SCAPER: variants seen among roughly 807,000 people sequenced by gnomAD.
SCAPER encodes S-phase cyclin A associated protein in the ER.
In SCAPER, 98 loss-of-function variants were observed where a neutral mutation model predicts 182.2. The ratio of observed to expected loss-of-function variants is 0.54; its 90% CI spans 0.46 to 0.64. The LOEUF (loss-of-function observed/expected upper bound fraction) is 0.64, where lower values mean the gene tolerates loss of function less well. Ranked by LOEUF, SCAPER falls within the 30% of genes least tolerant of loss-of-function variation. SCAPER has a pLI of 0.00. For missense variants in SCAPER, 1,432 were observed against 1,690.0 expected (o/e 0.85, Z 2.68); for synonymous variants, 605 against 564.6 (o/e 1.07, Z -1.01).
chr15:76,545,158 T>A (rs2045152805), intron 23 of SCAPER, among the ~76,000 whole-genome samples: 2 of 152,206 alleles, frequency 1.3e-5, no homozygotes, highest in Admixed American at 1.3e-4. Flanking sequence ...GATTTTTATA[T>A]CTTTAATGTG....
chr15:76,373,142 C>T (rs2042305498), intron 29 of SCAPER, among the ~76,000 whole-genome samples: 1 of 151,494 alleles, frequency 6.6e-6, no homozygotes, highest in African/African-American at 2.4e-5. Context: ...CCGCCTCCCA[C>T]GTTCAAGCAA....
At chr15:76,753,033 T>A (rs1181019493) in intron 15 of SCAPER, among the ~76,000 whole-genome samples, 1 of 151,746 alleles carries the variant, frequency 6.6e-6, no homozygotes, top group African/African-American at 2.4e-5. Context: ...GAATGTAAAA[T>A]ATTTAACTAG....
intron 21 of SCAPER, among the ~76,000 whole-genome samples, chr15:76,665,146 T>C (rs771624662): frequency 1.3e-5 from 2 of 152,212 alleles, no homozygotes; most frequent in South Asian, 2.1e-4. Context: ...GATCTTCAGA[T>C]GACACTTTGG....
chr15:76,511,889 T>A (rs12915378), intron 23 of SCAPER, among the ~76,000 whole-genome samples: 90 of 91,484 alleles, frequency 9.8e-4, no homozygotes, highest in Middle Eastern at 4.5e-3. Context: ...ATATATATTT[T>A]TTTTTTTTTT....
intron 5 of SCAPER, among the ~76,000 whole-genome samples, chr15:76,807,092 T>C (rs1353750454): frequency 6.6e-6 from 1 of 152,230 alleles, no homozygotes; most frequent in Non-Finnish European, 1.5e-5. Context: ...TTTAGTACAA[T>C]ATTGTGTGTA....
At chr15:76,853,564 A>C (rs75112900) in intron 4 of SCAPER, among the ~76,000 whole-genome samples, 1 of 152,078 alleles carries the variant, frequency 6.6e-6, no homozygotes. Context: ...AAAAAAAAAA[A>C]CCACATAGTT....
chr15:76,807,586 GGTTA>G (rs1465797571), intron 5 of SCAPER, among the ~76,000 whole-genome samples: 2 of 150,894 alleles, frequency 1.3e-5, no homozygotes, highest in African/African-American at 4.9e-5. Flanking sequence ...ACATTGTGCA[GGTTA>G]GTTACATATG....
chr15:76,720,080 TC>T (rs2060124688), intron 17 of SCAPER, among the ~76,000 whole-genome samples: 1 of 103,942 alleles, frequency 9.6e-6, no homozygotes, highest in African/African-American at 3.7e-5. Context: ...ACTTCCCCCC[TC>T]CCCCCACCCC....
At chr15:76,402,730 T>C (rs1479792405) in intron 27 of SCAPER, among the ~76,000 whole-genome samples, 1 of 152,108 alleles carries the variant, frequency 6.6e-6, no homozygotes, top group Non-Finnish European at 1.5e-5. Flanking sequence ...CCTGTTTCCA[T>C]GTTCCATATG....
At chr15:76,631,208 A>G (rs2053077191) in intron 21 of SCAPER, among the ~76,000 whole-genome samples, 1 of 152,118 alleles carries the variant, frequency 6.6e-6, no homozygotes, top group Non-Finnish European at 1.5e-5. Context: ...GGAGCTTTTG[A>G]ATGCAGCACA....
chr15:76,416,660 C>T (rs972849864), intron 26 of SCAPER, among the ~76,000 whole-genome samples: 3 of 151,776 alleles, frequency 2.0e-5, no homozygotes, highest in Non-Finnish European at 4.4e-5. Flanking sequence ...ATTCTCTGAC[C>T]CAGAAATTCT....
Position 76,835,794 on chromosome 15 carries a change from T to C in SCAPER, c.393+5940A>G, listed in dbSNP as rs555632377. On this transcript the variant is annotated intron_variant, in intron 5 of 31. Transcript: ENST00000563290. ...ATGATTCTATACCTAGAAAACCTTATAGTCTCTGTCCAAAGGCTCCCAGAA... is the reference window on the plus strand; with the variant it reads ...ATGATTCTATACCTAGAAAACCTTACAGTCTCTGTCCAAAGGCTCCCAGAA... Among the ~76,000 whole-genome samples, 15 of 152,156 alleles carry C rather than the reference T, an allele frequency of 9.9e-5. No homozygotes were observed. The South Asian group carries it at 2.5e-3, about 25-fold the overall frequency.
intron 3 of SCAPER, among the ~76,000 whole-genome samples, chr15:76,861,226 G>A (rs1025044496): frequency 6.6e-6 from 1 of 152,084 alleles, no homozygotes; most frequent in Non-Finnish European, 1.5e-5. Context: ...ACAAAAACAG[G>A]ATATTTACAT....
intron 1 of SCAPER, among the ~76,000 whole-genome samples, chr15:76,891,831 T>C (rs1457376379): frequency 6.7e-6 from 1 of 150,190 alleles, no homozygotes; most frequent in East Asian, 1.9e-4. Flanking sequence ...TTTTTCCAAT[T>C]TGGTTCATAT....
intron 21 of SCAPER, among the ~76,000 whole-genome samples, chr15:76,652,272 AAATATATATATATATATATAT>A (rs1480149707): frequency 6.3e-5 from 1 of 15,772 alleles, no homozygotes; most frequent in Non-Finnish European, 1.1e-4. Flanking sequence ...AAAAAAAAAA[AAATATATATATATATATATAT>A]ATATATATAT....
intron 20 of SCAPER, among the ~76,000 whole-genome samples, chr15:76,687,844 T>A (rs191120213): frequency 7.2e-5 from 11 of 152,360 alleles, no homozygotes; most frequent in Admixed American, 7.2e-4. Context: ...CTATCACTGA[T>A]GAGCACTTGG....
chr15:76,472,867 T>C (rs2050301752), intron 24 of SCAPER, among the ~76,000 whole-genome samples: 1 of 152,204 alleles, frequency 6.6e-6, no homozygotes, highest in South Asian at 2.1e-4. Context: ...CCTTGTGGTA[T>C]GAAATAACAA....
At chr15:76,470,231 T>G (rs1273297730) in intron 25 of SCAPER, among the ~76,000 whole-genome samples, 1 of 152,150 alleles carries the variant, frequency 6.6e-6, no homozygotes, top group Non-Finnish European at 1.5e-5. Context: ...TAGTGATAAC[T>G]TACTTCCTGT....
chr15:76,676,056 C>G (rs1450804379), intron 20 of SCAPER, among the ~76,000 whole-genome samples: 1 of 152,180 alleles, frequency 6.6e-6, no homozygotes, highest in Admixed American at 6.5e-5. Flanking sequence ...AACTCCTGAC[C>G]TCAGGTGATC....
Sources: allele counts gnomAD v4.1 joint callset (sites outside exome capture counted in the v4.1 genomes callset), GRCh38; gene constraint gnomAD v4.1.1; transcripts MANE v1.5; gene names NCBI Gene and HGNC (gene_info 2026-07-23, HGNC 2026-07-21).